B3GALT1: variants seen among roughly 807,000 people sequenced by gnomAD.
B3GALT1 encodes the protein beta-1,3-galactosyltransferase 1.
In B3GALT1, 10 loss-of-function variants were observed where a neutral mutation model predicts 23.2. That is an observed-to-expected ratio of 0.43 (90% CI 0.27 to 0.73). The LOEUF is 0.73. Ranked by LOEUF, B3GALT1 falls within the 30% of genes least tolerant of loss-of-function variation. B3GALT1 has a pLI of 0.21. For missense variants in B3GALT1, 299 were observed against 405.4 expected (o/e 0.74, Z 2.25); for synonymous variants, 156 against 141.5 (o/e 1.10, Z -0.73).
At chr2:167,821,096 A>G (rs769154887) in intron 4 of B3GALT1, among the ~76,000 whole-genome samples, 1 of 152,196 alleles carries the variant, frequency 6.6e-6, no homozygotes, top group Non-Finnish European at 1.5e-5. Context: ...GTCAATACTG[A>G]GATGCACTTG....
intron 2 of B3GALT1, among the ~76,000 whole-genome samples, chr2:167,560,954 A>G (rs1683973234): frequency 6.6e-6 from 1 of 151,834 alleles, no homozygotes; most frequent in Non-Finnish European, 1.5e-5. Context: ...CACCAAGCGG[A>G]CCTAATAGAC....
intron 2 of B3GALT1, among the ~76,000 whole-genome samples, chr2:167,627,848 G>A (rs74765164): frequency 0.015 from 2,301 of 151,668 alleles, 70 homozygotes; most frequent in African/African-American, 0.053. Flanking sequence ...GCTATTGTCA[G>A]ACTTTTTAAC....
At chr2:167,487,538 C>A (rs1699645938) in intron 1 of B3GALT1, among the ~76,000 whole-genome samples, 1 of 152,014 alleles carries the variant, frequency 6.6e-6, no homozygotes, top group South Asian at 2.1e-4. Flanking sequence ...ATTTATTTTT[C>A]TCATGTTAAT....
intron 1 of B3GALT1, among the ~76,000 whole-genome samples, chr2:167,434,775 C>G (rs2030658): frequency 0.94 from 139,765 of 149,232 alleles, 65,822 homozygotes; most frequent in Non-Finnish European, 0.99. Flanking sequence ...TAGAGTTAAA[C>G]AGCCAATGCT....
intron 4 of B3GALT1, among the ~76,000 whole-genome samples, chr2:167,838,800 C>G: frequency 6.6e-6 from 1 of 152,240 alleles, no homozygotes; most frequent in East Asian, 1.9e-4. Flanking sequence ...CAAACCAAAT[C>G]CAGCAGCACA....
At chr2:167,425,970 C>T (rs1698616601) in intron 1 of B3GALT1, among the ~76,000 whole-genome samples, 1 of 152,020 alleles carries the variant, frequency 6.6e-6, no homozygotes, top group African/African-American at 2.4e-5. Flanking sequence ...TTTTTTCATT[C>T]CCTCAGCAAT....
chr2:167,708,993 A>G (rs1421864787), intron 3 of B3GALT1, among the ~76,000 whole-genome samples: 2 of 152,172 alleles, frequency 1.3e-5, no homozygotes, highest in African/African-American at 4.8e-5. Context: ...TAACTTTGAT[A>G]TTTGGGGAAT....
At chr2:167,775,179 C>A (rs56315066) in intron 3 of B3GALT1, among the ~76,000 whole-genome samples, 50,323 of 152,042 alleles carry the variant, frequency 0.33, 8,534 homozygotes, top group Middle Eastern at 0.39. Context: ...TCAGACAAAA[C>A]TTTTAAGCTA....
intron 2 of B3GALT1, among the ~76,000 whole-genome samples, chr2:167,497,479 C>A (rs1442347909): frequency 1.3e-5 from 2 of 152,116 alleles, no homozygotes; most frequent in African/African-American, 4.8e-5. Flanking sequence ...TTGTACCGAT[C>A]ACCAACTACT....
intron 4 of B3GALT1, among the ~76,000 whole-genome samples, 30 bp downstream of exon 4, chr2:167,818,823 ACG>A (rs1288974559): frequency 5.3e-5 from 8 of 152,186 alleles, no homozygotes; most frequent in South Asian, 4.1e-4. Flanking sequence ...GGCGAGAAAC[ACG>A]TTTCTCAGTT....
intron 2 of B3GALT1, among the ~76,000 whole-genome samples, chr2:167,587,631 A>G (rs1684604653): frequency 6.6e-6 from 1 of 152,190 alleles, no homozygotes; most frequent in Admixed American, 6.6e-5. Context: ...TGACTTTTTA[A>G]CCATAGCAAA....
At chr2:167,482,220 T>C (rs1699571039) in intron 1 of B3GALT1, among the ~76,000 whole-genome samples, 2 of 152,206 alleles carry the variant, frequency 1.3e-5, no homozygotes. Flanking sequence ...ATTACTAAAC[T>C]CAAATGAATA....
Position 167,646,961 on chromosome 2 carries a change from GA to G in B3GALT1, c.-354del, listed in dbSNP as rs1026395284. Among the ~76,000 whole-genome samples the G allele has an allele frequency of 6.6e-6, 1 of 152,072 alleles. No individual in the cohort carries two copies. The highest frequency in any genetic ancestry group is 1.5e-5 in the Non-Finnish European group (1 of 68,022). ...GAAGTGTTCTGGAGATCGCCTCTTT[GA>G]AAGCGTAAGTGTAAAGTTTATTTGG... On this transcript the variant is annotated 5_prime_UTR_variant, in exon 3 of 5. An upstream open reading frame in the 5' UTR loses its in-frame stop. Transcript: ENST00000392690.
At chr2:167,360,196 G>A (rs185143144) in intron 1 of B3GALT1, among the ~76,000 whole-genome samples, 1 of 152,106 alleles carries the variant, frequency 6.6e-6, no homozygotes, top group Admixed American at 6.5e-5. Context: ...TATATACTTT[G>A]CATTTTTATA....
intron 4 of B3GALT1, among the ~76,000 whole-genome samples, chr2:167,855,259 G>A (rs953846825): frequency 2.0e-5 from 3 of 152,068 alleles, no homozygotes; most frequent in African/African-American, 4.8e-5. Context: ...TGATTCTGAC[G>A]ACCATGTAAA....
At chr2:167,774,490 T>TTTG (rs1688126284) in intron 3 of B3GALT1, among the ~76,000 whole-genome samples, 1 of 89,636 alleles carries the variant, frequency 1.1e-5, no homozygotes, top group Non-Finnish European at 2.0e-5. Flanking sequence ...TTTTTGTTTT[T>TTTG]TTTTTTGTTT....
chr2:167,512,030 G>A lies in B3GALT1; in HGVS notation c.-410+21753G>A, dbSNP rs181689459. 1.8e-3 allele frequency among the ~76,000 whole-genome samples: 277 copies of A among 152,220 alleles called. 1 individual carries two copies. The highest frequency in any genetic ancestry group is 6.4e-3 in the African/African-American group (267 of 41,566). ...AAATAAATATATGATATGTTAGGAA[G>A]TTAGAAAATTTGAATATTTTCTTCA... On this transcript the variant is annotated intron_variant, in intron 2 of 4. Coordinates refer to ENST00000392690, the MANE Select transcript of B3GALT1 (RefSeq NM_020981.4).
At chr2:167,705,005 T>C (rs1385678679) in intron 3 of B3GALT1, among the ~76,000 whole-genome samples, 1 of 151,634 alleles carries the variant, frequency 6.6e-6, no homozygotes, top group Non-Finnish European at 1.5e-5. Flanking sequence ...TCACTCTTAT[T>C]CATCATCCAT....
intron 2 of B3GALT1, among the ~76,000 whole-genome samples, chr2:167,558,484 C>A (rs1683895871): frequency 6.6e-6 from 1 of 152,090 alleles, no homozygotes. Flanking sequence ...ACACCATGCG[C>A]CAGCTGAAGC....
Sources: allele counts gnomAD v4.1 joint callset (sites outside exome capture counted in the v4.1 genomes callset), GRCh38; gene constraint gnomAD v4.1.1; transcripts MANE v1.5; gene names NCBI Gene and HGNC (gene_info 2026-07-23, HGNC 2026-07-21).